The following DPYD variants were observed in gnomAD, a reference collection of about 807,000 sequenced individuals.
DPYD encodes the protein dihydropyrimidine dehydrogenase.
A neutral mutation model predicts 116.2 loss-of-function variants in DPYD; 109 were observed. The ratio of observed to expected loss-of-function variants is 0.94; its 90% CI spans 0.80 to 1.10. DPYD has a LOEUF of 1.10. Ranked by LOEUF, DPYD falls within the 50% of genes least tolerant of loss-of-function variation. The pLI, the probability that DPYD is intolerant of heterozygous loss-of-function variation, is 0.00. For missense variants in DPYD, 1,302 were observed against 1,254.5 expected (o/e 1.04, Z -0.57); for synonymous variants, 440 against 432.0 (o/e 1.02, Z -0.23).
At chr1:97,299,327 C>T (rs1666727660) in intron 18 of DPYD, among the ~76,000 whole-genome samples, 1 of 152,080 alleles carries the variant, frequency 6.6e-6, no homozygotes, top group Non-Finnish European at 1.5e-5. Context: ...ATTACCACTG[C>T]TGCAAAGGTA....
At chr1:97,484,544 G>A (rs1303358882) in intron 13 of DPYD, among the ~76,000 whole-genome samples, 1 of 151,844 alleles carries the variant, frequency 6.6e-6, no homozygotes, top group Non-Finnish European at 1.5e-5. Flanking sequence ...TTCATTTCTG[G>A]GGACATCTTC....
At chr1:97,428,200 C>T (rs1288986929) in intron 14 of DPYD, among the ~76,000 whole-genome samples, 2 of 151,964 alleles carry the variant, frequency 1.3e-5, no homozygotes, top group African/African-American at 4.8e-5. Flanking sequence ...CTATGACTTG[C>T]CCAAGTTCAT....
intron 18 of DPYD, among the ~76,000 whole-genome samples, chr1:97,281,594 AT>A (rs752251004): frequency 5.5e-4 from 84 of 152,150 alleles, no homozygotes; most frequent in Middle Eastern, 3.4e-3. Context: ...GAATAAAAAC[AT>A]TTTCAAATAT....
intron 18 of DPYD, among the ~76,000 whole-genome samples, chr1:97,241,404 G>A (rs1662331674): frequency 6.6e-6 from 1 of 151,922 alleles, no homozygotes; most frequent in South Asian, 2.1e-4. Flanking sequence ...GCTAGGTGCT[G>A]TCCTCTCTAT....
chr1:97,702,420 T>C (rs1661647644), intron 5 of DPYD, among the ~76,000 whole-genome samples: 1 of 151,874 alleles, frequency 6.6e-6, no homozygotes, highest in African/African-American at 2.4e-5. Context: ...CTTTCATATT[T>C]AGTTGAATAA....
intron 14 of DPYD, among the ~76,000 whole-genome samples, chr1:97,386,886 A>G (rs932249296): frequency 2.0e-5 from 3 of 152,034 alleles, no homozygotes; most frequent in African/African-American, 4.8e-5. Flanking sequence ...ATAATTTAAT[A>G]TTTATTTGAT....
intron 20 of DPYD, among the ~76,000 whole-genome samples, chr1:97,152,296 C>T (rs1481357899): frequency 1.3e-5 from 2 of 152,066 alleles, no homozygotes; most frequent in Non-Finnish European, 2.9e-5. Flanking sequence ...AGTTCAAGAG[C>T]TGGGAATGAA....
intron 19 of DPYD, among the ~76,000 whole-genome samples, chr1:97,204,208 A>C (rs1258612002): frequency 6.6e-6 from 1 of 152,188 alleles, no homozygotes; most frequent in Non-Finnish European, 1.5e-5. Flanking sequence ...TTTTAAAAAT[A>C]CTAAACTCAT....
intron 13 of DPYD, among the ~76,000 whole-genome samples, chr1:97,506,909 G>A (rs142769913): frequency 1.3e-3 from 194 of 152,044 alleles, no homozygotes; most frequent in African/African-American, 4.0e-3. Context: ...GTATGATTGC[G>A]AACAGAGACT....
intron 19 of DPYD, among the ~76,000 whole-genome samples, chr1:97,232,833 C>A (rs537518611): frequency 1.3e-5 from 2 of 152,054 alleles, no homozygotes; most frequent in Non-Finnish European, 1.5e-5. Context: ...CTTGTTAATG[C>A]AATTTTATAA....
rs12034670 is a variant in DPYD at position 97,918,184 on chromosome 1, A to T, written c.39+2700T>A. 1.3e-4 allele frequency among the ~76,000 whole-genome samples: 20 copies of T among 152,286 alleles called. No individual in the cohort carries two copies. The East Asian group carries it at 3.9e-3, about 29-fold the overall frequency. ...GAAGTGATTTTCCTGAGAATAAGAT[A>T]TATTTTTCTGTTATCTTTATTTTTT... On this transcript the variant is annotated intron_variant, in intron 1 of 22. Coordinates refer to ENST00000370192, the MANE Select transcript of DPYD (RefSeq NM_000110.4).
intron 3 of DPYD, among the ~76,000 whole-genome samples, chr1:97,787,440 A>G (rs1667101897): frequency 6.6e-6 from 1 of 152,222 alleles, no homozygotes; most frequent in African/African-American, 2.4e-5. Flanking sequence ...AATGGCAGTC[A>G]TCCATGGCAA....
At chr1:97,138,442 T>A (rs1255663013) in intron 20 of DPYD, among the ~76,000 whole-genome samples, 1 of 152,134 alleles carries the variant, frequency 6.6e-6, no homozygotes, top group Non-Finnish European at 1.5e-5. Flanking sequence ...ACTGTGGTAG[T>A]ATTGCTCTTA....
intron 21 of DPYD, among the ~76,000 whole-genome samples, chr1:97,094,867 G>A (rs1258519628): frequency 1.3e-5 from 2 of 151,948 alleles, no homozygotes; most frequent in Non-Finnish European, 2.9e-5. Context: ...TCCCCAACCT[G>A]TTCTTCAGCT....
chr1:97,548,223 A>T (rs1651047376), intron 12 of DPYD, among the ~76,000 whole-genome samples: 1 of 152,198 alleles, frequency 6.6e-6, no homozygotes. Context: ...CAAATTTTCC[A>T]GGAACATTTT....
intron 3 of DPYD, among the ~76,000 whole-genome samples, chr1:97,766,870 CT>C (rs1296685828): frequency 1.3e-5 from 2 of 152,124 alleles, no homozygotes; most frequent in Non-Finnish European, 2.9e-5. Context: ...TCTAAGAAAA[CT>C]AATCAGGTGC....
intron 14 of DPYD, among the ~76,000 whole-genome samples, chr1:97,403,018 T>C (rs1445327825): frequency 6.6e-6 from 1 of 152,096 alleles, no homozygotes; most frequent in Non-Finnish European, 1.5e-5. Flanking sequence ...TTTGCTAATA[T>C]TTTGTTGAGC....
chr1:97,500,470 G>A (rs761324331), intron 13 of DPYD, among the ~76,000 whole-genome samples: 6 of 151,916 alleles, frequency 3.9e-5, no homozygotes, highest in African/African-American at 7.2e-5. Flanking sequence ...TATTTCAAAT[G>A]TCTTCTAATC....
intron 10 of DPYD, among the ~76,000 whole-genome samples, chr1:97,586,487 TATA>T (rs1654121228): frequency 3.7e-5 from 4 of 108,138 alleles, no homozygotes; most frequent in Non-Finnish European, 7.3e-5. Context: ...TATATATATA[TATA>T]TATATATATA....
Sources: allele counts gnomAD v4.1 joint callset (sites outside exome capture counted in the v4.1 genomes callset), GRCh38; gene constraint gnomAD v4.1.1; transcripts MANE v1.5; gene names NCBI Gene and HGNC (gene_info 2026-07-23, HGNC 2026-07-21).